Variants in CPVL observed in about 807,000 individuals in gnomAD.
The protein encoded by CPVL is probable serine carboxypeptidase CPVL.
In CPVL, 51 loss-of-function variants were observed where a neutral mutation model predicts 63.7. The ratio of observed to expected loss-of-function variants is 0.80; its 90% CI spans 0.64 to 1.01. The LOEUF (loss-of-function observed/expected upper bound fraction) is 1.01, where lower values mean the gene tolerates loss of function less well. CPVL is among the 50% of genes least tolerant of loss of function. CPVL has a pLI of 0.00. For synonymous variants in CPVL, 195 were observed against 206.0 expected, an observed-to-expected ratio of 0.95 and a Z score of 0.46; for missense variants, 530 against 573.1, an observed-to-expected ratio of 0.92 and a Z score of 0.77.
chr7:28,996,987 G>C (rs1363760407), intron 12 of CPVL, among the ~76,000 whole-genome samples: 2 of 152,202 alleles, frequency 1.3e-5, no homozygotes, highest in African/African-American at 4.8e-5. Context: ...CGTAACCCAA[G>C]CCCTTGTTGG....
exon 1 of CPVL, chr7:29,195,095 C>T: frequency 7.8e-7 from 1 of 1,285,126 alleles, no homozygotes; most frequent in South Asian, 1.4e-5. Flanking sequence ...ATCCCGCCCG[C>T]TCTCTCGGAA....
upstream of CPVL, among the ~76,000 whole-genome samples, chr7:29,148,054 C>T (rs1793013032): frequency 1.3e-5 from 2 of 152,208 alleles, no homozygotes; most frequent in Non-Finnish European, 2.9e-5. Context: ...CCCCAGCCAC[C>T]TCTTGGGCAC....
At chr7:29,127,901 G>A (rs909868527) in intron 1 of CPVL, 4 of 151,990 alleles carry the variant, frequency 2.6e-5, no homozygotes, top group African/African-American at 9.7e-5. Context: ...TTTTCCCTGG[G>A]TCCTTGGGGC....
chr7:29,101,701 C>T (rs2128618638), intron 3 of CPVL, among the ~76,000 whole-genome samples: 1 of 151,750 alleles, frequency 6.6e-6, no homozygotes, highest in East Asian at 1.9e-4. Flanking sequence ...GTATTTTTAA[C>T]AGCCCCTCTT....
At chr7:29,076,575 T>C (rs886942268) in intron 7 of CPVL, among the ~76,000 whole-genome samples, 1 of 152,144 alleles carries the variant, frequency 6.6e-6, no homozygotes, top group African/African-American at 2.4e-5. Context: ...ACTCAACACA[T>C]CAGAATTTTT....
At chr7:29,115,253 A>G (rs915009914) in intron 2 of CPVL, among the ~76,000 whole-genome samples, 7 of 152,228 alleles carry the variant, frequency 4.6e-5, no homozygotes, top group Admixed American at 1.3e-4. Context: ...GGCCACTCCA[A>G]GTGAAGTCTA....
At chr7:29,117,311 A>T (rs921936479) in intron 2 of CPVL, among the ~76,000 whole-genome samples, 1 of 152,244 alleles carries the variant, frequency 6.6e-6, no homozygotes, top group Non-Finnish European at 1.5e-5. Context: ...CAAGAAAGAC[A>T]AGAACAGGAG....
chr7:29,044,237 C>T (rs1789400725), intron 11 of CPVL, among the ~76,000 whole-genome samples: 1 of 151,920 alleles, frequency 6.6e-6, no homozygotes, highest in Admixed American at 6.6e-5. Flanking sequence ...GTCAACATGG[C>T]AAAATCCCAT....
chr7:29,127,383 TTTA>T (rs1435830416), intron 1 of CPVL: 1 of 152,178 alleles, frequency 6.6e-6, no homozygotes, highest in Admixed American at 6.5e-5. Context: ...TACTGATTGC[TTTA>T]TATTTTTTAT....
chr7:29,010,465 T>A (rs1785704773), intron 12 of CPVL: 1 of 152,186 alleles, frequency 6.6e-6, no homozygotes, highest in Non-Finnish European at 1.5e-5. Flanking sequence ...AAACAACTCA[T>A]TACTCAATTC....
intron 2 of CPVL, among the ~76,000 whole-genome samples, chr7:29,114,556 G>A (rs1788574917): frequency 6.6e-6 from 1 of 152,036 alleles, no homozygotes; most frequent in African/African-American, 2.4e-5. Context: ...CTTGAGCCCA[G>A]GAGGTCAAGG....
At chr7:29,083,715 A>T (rs1784953579) in intron 7 of CPVL, among the ~76,000 whole-genome samples, 1 of 152,186 alleles carries the variant, frequency 6.6e-6, no homozygotes, top group Admixed American at 6.5e-5. Flanking sequence ...CCTGACGTTA[A>T]ATCAATCAAT....
intron 12 of CPVL, among the ~76,000 whole-genome samples, chr7:29,017,733 T>C (rs1223364428): frequency 2.0e-5 from 3 of 152,246 alleles, no homozygotes; most frequent in Non-Finnish European, 2.9e-5. Flanking sequence ...AGATGTGAAA[T>C]ACATTATTTC....
chr7:29,179,969 T>A (rs1411065499), intron 5 of CPVL, among the ~76,000 whole-genome samples: 1 of 152,250 alleles, frequency 6.6e-6, no homozygotes, highest in African/African-American at 2.4e-5. Context: ...TTTTGCTATT[T>A]GTCTTGTATT....
chr7:29,056,616 T>G (rs545803457), intron 11 of CPVL, among the ~76,000 whole-genome samples: 1 of 152,354 alleles, frequency 6.6e-6, no homozygotes, highest in South Asian at 2.1e-4. Context: ...GTTTTGGCAA[T>G]TATGAATAAA....
chr7:29,084,719 T>C (rs546357629), intron 7 of CPVL, among the ~76,000 whole-genome samples: 2 of 152,336 alleles, frequency 1.3e-5, no homozygotes, highest in Admixed American at 1.3e-4. Context: ...TGTAACTGTG[T>C]ATTAAATTTT....
chr7:29,010,529 C>G (rs1785713399), intron 12 of CPVL: 1 of 152,310 alleles, frequency 6.6e-6, no homozygotes, highest in East Asian at 1.9e-4. Context: ...CAACACCGCC[C>G]CATCCCTCTC....
chr7:29,133,942 T>A (rs921528324), intron 1 of CPVL, among the ~76,000 whole-genome samples: 1 of 152,182 alleles, frequency 6.6e-6, no homozygotes, highest in African/African-American at 2.4e-5. Context: ...AATGGAGGAA[T>A]TGGCAAGAGT....
At chr7:29,156,325 T>C (rs1794365855) in intron 5 of CPVL, among the ~76,000 whole-genome samples, 1 of 152,206 alleles carries the variant, frequency 6.6e-6, no homozygotes, top group Admixed American at 6.5e-5. Context: ...GATGATTAAA[T>C]GCCAAAATTA....
Sources: allele counts gnomAD v4.1 joint callset (sites outside exome capture counted in the v4.1 genomes callset), GRCh38; gene constraint gnomAD v4.1.1; transcripts MANE v1.5; gene names NCBI Gene and HGNC (gene_info 2026-07-23, HGNC 2026-07-21).